The following CIBAR2 variants were observed in gnomAD, a reference collection of about 807,000 sequenced individuals.
The protein encoded by CIBAR2 is CBY1 interacting BAR domain containing 2.
In CIBAR2, 38 loss-of-function variants were observed where a neutral mutation model predicts 36.2. That is an observed-to-expected ratio of 1.05 (90% confidence interval 0.81 to 1.38). CIBAR2 has a LOEUF of 1.38. Ranked by LOEUF, CIBAR2 falls within the 40% of genes most tolerant of loss-of-function variation. CIBAR2 has a pLI of 0.00. For synonymous variants in CIBAR2, 182 were observed against 149.5 expected (o/e 1.22, Z -1.58); for missense variants, 481 against 383.4 (o/e 1.25, Z -2.13).
chr16:85,111,477 C>A (rs1396704196), intron 1 of CIBAR2, among the ~76,000 whole-genome samples: 5 of 152,196 alleles, frequency 3.3e-5, no homozygotes, highest in African/African-American at 4.8e-5. Context: ...AAGTCAGACA[C>A]TGGGGCTCCT....
At chr16:85,111,500 C>G (rs2074042294) in intron 1 of CIBAR2, among the ~76,000 whole-genome samples, 1 of 152,134 alleles carries the variant, frequency 6.6e-6, no homozygotes, top group African/African-American at 2.4e-5. Context: ...GCCCCCGACC[C>G]CAGGCATGTG....
rs1401162672 is a variant in CIBAR2, at chr16:85,112,430, C to T, written c.-78G>A. 12 of 1,455,464 alleles carry T rather than the reference C, an allele frequency of 8.2e-6. No individual in the cohort carries two copies. Among genetic ancestry groups the T allele is most frequent in the South Asian group, 2.3e-5 (2 of 87,728 alleles). The allele number at this position is 1,455,464 out of a possible 1,614,324, so 90.2% of individuals were successfully genotyped here. ...GGGGTCCTGCAGGCCTGGGAGGAGC[C>T]GGGCAGGGCTGGGTGCAGCTGTGTG... is the stretch of plus-strand genomic sequence containing the variant. On this transcript the variant is annotated 5_prime_UTR_variant, in exon 1 of 9. Transcript: ENST00000539556.
In CIBAR2 at chr16:85,105,395, T is replaced by G. The variant is rs2073988134; in HGVS notation, c.469A>C (p.Ser157Arg). 1 of 1,613,762 alleles carries G rather than the reference T, an allele frequency of 6.2e-7. No individual in the cohort carries two copies. The highest frequency in any genetic ancestry group is 1.1e-5 in the South Asian group (1 of 91,084). Residue 157 changes from serine to arginine, a missense_variant, in exon 6 of 9, where the codon AGC becomes CGC. Transcript: ENST00000539556. ...TRVQRAAVDS[S>R]RTTLQLEETV... The stretch of plus-strand genomic sequence containing the variant: ...TCCTCCAGCTGGAGGGTGGTGCGGC[T>G]GGAGTCCACAGCGGCCCTCTGCACT...
rs563454985 is a variant in CIBAR2 at position 85,110,770 on chromosome 16, T to G, written c.21-310A>C. Among the ~76,000 whole-genome samples the G allele has an allele frequency of 1.1e-4, 16 of 144,428 alleles. No individual in the cohort carries two copies. In the East Asian group the frequency reaches 2.6e-3, roughly 23 times the overall value. The allele number at this position is 144,428 out of a possible 152,430, so 94.8% of individuals were successfully genotyped here. A position where few individuals can be genotyped will look rare whatever the true frequency, so the allele number is the denominator to read the frequency against. The stretch of plus-strand genomic sequence containing the variant: ...CCCAGGCTGGAGTGCAGTGGTATGA[T>G]CTTGGCTTACTGCAACCTCTGCCTC... On this transcript the variant is annotated intron_variant, in intron 1 of 8. Transcript: ENST00000539556.
chr16:85,098,461 G>A lies in CIBAR2; in HGVS notation c.*724C>T. The A allele has an allele frequency of 1.1e-6, 1 of 914,158 alleles. No individual in the cohort carries two copies. Among genetic ancestry groups the A allele is most frequent in the Non-Finnish European group, 1.3e-6 (1 of 764,536 alleles). 56.6% of individuals were successfully genotyped at this position (914,158 alleles called of 1,614,324 possible). A position where few individuals can be genotyped will look rare whatever the true frequency, so the allele number is the denominator to read the frequency against. ...GATATTGGCCCTGTTGTACAGATGAGGAAACTGAGGCTCAGAGGACACGTG... is the reference window on the plus strand; with the variant it reads ...GATATTGGCCCTGTTGTACAGATGAAGAAACTGAGGCTCAGAGGACACGTG... On this transcript the variant is annotated 3_prime_UTR_variant, in exon 9 of 9. Transcript: ENST00000539556.
intron 5 of CIBAR2, among the ~76,000 whole-genome samples, 155 bp downstream of exon 5, chr16:85,107,512 G>A (rs2074005606): frequency 1.3e-5 from 2 of 152,176 alleles, no homozygotes; most frequent in African/African-American, 4.8e-5. Flanking sequence ...GACCCCCAGA[G>A]CCCCTTTTTA....
intron 5 of CIBAR2, among the ~76,000 whole-genome samples, chr16:85,105,947 C>T (rs1167451086): frequency 6.6e-6 from 1 of 152,196 alleles, no homozygotes; most frequent in Non-Finnish European, 1.5e-5. Flanking sequence ...TGAAATTTGC[C>T]ACTTAACTGC....
chr16:85,106,778 C>G (rs2073999096), intron 5 of CIBAR2, among the ~76,000 whole-genome samples: 1 of 152,198 alleles, frequency 6.6e-6, no homozygotes, highest in Admixed American at 6.5e-5. Flanking sequence ...TTAACACTTT[C>G]TAGCAGAGCT....
chr16:85,112,072 G>A (rs889101140), intron 1 of CIBAR2, among the ~76,000 whole-genome samples: 5 of 152,172 alleles, frequency 3.3e-5, no homozygotes, highest in Admixed American at 1.3e-4. Flanking sequence ...AAAGGAAAGG[G>A]GATGAATTTG....
In CIBAR2 at chr16:85,112,471, A is replaced by T. The variant is rs1354495576; in HGVS notation, c.-119T>A. On this transcript the variant is annotated 5_prime_UTR_variant, in exon 1 of 9. Coordinates refer to ENST00000539556, the MANE Select transcript of CIBAR2 (RefSeq NM_198491.3). ...CAGCTGTGTGGCCTGGGCTCAAGGGACGCTGCCACCCGGTTGCTAGGCGAT... is the reference window on the plus strand; with the variant it reads ...CAGCTGTGTGGCCTGGGCTCAAGGGTCGCTGCCACCCGGTTGCTAGGCGAT... 1.9e-6 allele frequency: 2 copies of T among 1,045,496 alleles called. No individual in the cohort carries two copies. The highest frequency in any genetic ancestry group is 2.9e-6 in the Non-Finnish European group (2 of 679,134). 64.8% of individuals were successfully genotyped at this position (1,045,496 alleles called of 1,614,324 possible).
At chr16:85,102,127 C>T (rs1384243520) in intron 7 of CIBAR2, 87 bp downstream of exon 7, 1 of 748,464 alleles carries the variant, frequency 1.3e-6, no homozygotes, top group Non-Finnish European at 2.4e-6. Context: ...TGAAATGTTA[C>T]CAACAAAAAC....
At chr16:85,101,229 G>A (rs1218358718) in intron 7 of CIBAR2, among the ~76,000 whole-genome samples, 2 of 152,142 alleles carry the variant, frequency 1.3e-5, no homozygotes, top group Non-Finnish European at 2.9e-5. Context: ...AGGACCCTGT[G>A]CTTGGCTTAG....
chr16:85,105,507 T>C (rs2073989367), intron 5 of CIBAR2, 76 bp from the exon 6 acceptor site: 2 of 1,088,946 alleles, frequency 1.8e-6, no homozygotes, highest in Admixed American at 3.5e-5. Context: ...TGAATCACTC[T>C]GTCTCTAAAC....
rs764052710 is a variant in CIBAR2 at position 85,110,471 on chromosome 16, G to A, written c.21-11C>T. The A allele has an allele frequency of 1.9e-6, 3 of 1,569,014 alleles. No homozygotes were observed. Among genetic ancestry groups the A allele is most frequent in the East Asian group, 2.3e-5 (1 of 44,038 alleles). ...CTCACCTGGCTGTCCCTGTGGAGGC[G>A]GGGACCTGAGCAGCCATTCTGGGCA... On this transcript the variant is annotated splice_polypyrimidine_tract_variant and intron_variant, in intron 1 of 8. Coordinates refer to ENST00000539556, the MANE Select transcript of CIBAR2 (RefSeq NM_198491.3).
intron 6 of CIBAR2, among the ~76,000 whole-genome samples, chr16:85,104,942 C>T (rs1354065425): frequency 6.6e-6 from 1 of 152,130 alleles, no homozygotes. Flanking sequence ...GCTGCTGGGC[C>T]TTCACGTGGC....
rs746149864 is a variant in CIBAR2 at position 85,107,949 on chromosome 16, T to C, written c.325-2A>G. On this transcript the variant is annotated splice_acceptor_variant, in intron 3 of 8. Coordinates refer to ENST00000539556, the MANE Select transcript of CIBAR2 (RefSeq NM_198491.3). LOFTEE classifies it high-confidence loss of function. ...ATGTTTGAATTTCTTGATCTCAGCCTGCAGAAAAGGAGGAGGGTTGTTTCC... is the reference window on the plus strand; with the variant it reads ...ATGTTTGAATTTCTTGATCTCAGCCCGCAGAAAAGGAGGAGGGTTGTTTCC... 3 of 1,614,006 alleles carry C rather than the reference T, an allele frequency of 1.9e-6. No individual in the cohort carries two copies. The highest frequency in any genetic ancestry group is 2.5e-6 in the Non-Finnish European group (3 of 1,179,840).
intron 8 of CIBAR2, 99 bp from the exon 9 acceptor site, chr16:85,099,445 C>T: frequency 2.7e-6 from 2 of 737,368 alleles, no homozygotes; most frequent in Non-Finnish European, 4.7e-6. Flanking sequence ...CTGAGGAACC[C>T]TGGATTCTGG....
chr16:85,112,054 G>A (rs1052560045), intron 1 of CIBAR2, among the ~76,000 whole-genome samples: 2 of 152,196 alleles, frequency 1.3e-5, no homozygotes, highest in Non-Finnish European at 2.9e-5. Context: ...TTTCCAGGTG[G>A]AGGCGAGAAA....
At chr16:85,105,180 G>A in intron 6 of CIBAR2, 147 bp downstream of exon 6, 1 of 533,364 alleles carries the variant, frequency 1.9e-6, no homozygotes, top group South Asian at 2.6e-5. Context: ...GTGGGCATAA[G>A]CTCACTCACG....
Sources: allele counts gnomAD v4.1 joint callset (sites outside exome capture counted in the v4.1 genomes callset), GRCh38; gene constraint gnomAD v4.1.1; transcripts MANE v1.5; gene names NCBI Gene and HGNC (gene_info 2026-07-23, HGNC 2026-07-21).